TBX15: variants seen among roughly 807,000 people sequenced by gnomAD.
TBX15 encodes T-box transcription factor TBX15.
Under a neutral mutation model 53.9 loss-of-function variants are expected in TBX15, and 18 were observed. The observed-to-expected ratio is 0.33, with a 90% CI of 0.23 to 0.49. The LOEUF (loss-of-function observed/expected upper bound fraction) is 0.49. TBX15 is among the 20% of genes least tolerant of loss of function. The pLI, the probability that TBX15 is intolerant of heterozygous loss-of-function variation, is 0.98. For synonymous variants in TBX15, 295 were observed against 278.0 expected (o/e 1.06, Z -0.61); for missense variants, 692 against 749.5 (o/e 0.92, Z 0.90).
intron 1 of TBX15, among the ~76,000 whole-genome samples, chr1:118,945,522 C>A (rs1003692314): frequency 2.0e-5 from 3 of 152,084 alleles, no homozygotes; most frequent in African/African-American, 7.2e-5. Context: ...TCAATTGACC[C>A]CAAACTCTCT....
intron 1 of TBX15, among the ~76,000 whole-genome samples, chr1:118,956,293 G>A (rs376481828): frequency 1.3e-5 from 2 of 152,016 alleles, no homozygotes; most frequent in East Asian, 3.9e-4. Context: ...TACTAGTACT[G>A]GATATTAGGA....
At chr1:118,946,469 T>A (rs138752418) in intron 1 of TBX15, among the ~76,000 whole-genome samples, 17 of 152,300 alleles carry the variant, frequency 1.1e-4, no homozygotes, top group African/African-American at 4.1e-4. Context: ...AGGACTACAC[T>A]GGTTTGATAG....
chr1:118,885,600 G>T, intron 7 of TBX15, 84 bp from the exon 8 acceptor site: 1 of 1,504,534 alleles, frequency 6.6e-7, no homozygotes. Context: ...TACAGGAGGT[G>T]CCTTCAAATG....
chr1:118,960,067 G>GAA (rs80283449), intron 1 of TBX15, among the ~76,000 whole-genome samples: 3 of 107,054 alleles, frequency 2.8e-5, no homozygotes, highest in Non-Finnish European at 4.1e-5. Context: ...AAGAGAAAGA[G>GAA]AAAAAAAAAA....
intron 6 of TBX15, among the ~76,000 whole-genome samples, chr1:118,907,524 T>C (rs550726211): frequency 6.6e-6 from 1 of 152,366 alleles, no homozygotes; most frequent in East Asian, 1.9e-4. Flanking sequence ...TCACATCAGA[T>C]GTGGGATGAA....
At chr1:118,930,930 A>G (rs755871987) in intron 2 of TBX15, among the ~76,000 whole-genome samples, 1 of 152,204 alleles carries the variant, frequency 6.6e-6, no homozygotes, top group Non-Finnish European at 1.5e-5. Flanking sequence ...ATTATGTCCA[A>G]CCTCATAGGG....
At chr1:118,972,275 T>A (rs1657256087) in intron 1 of TBX15, among the ~76,000 whole-genome samples, 1 of 152,254 alleles carries the variant, frequency 6.6e-6, no homozygotes. Flanking sequence ...ACATGTAATG[T>A]TCTGAAGCCA....
chr1:118,910,681 T>C (rs1779418), intron 6 of TBX15, among the ~76,000 whole-genome samples: 96,110 of 152,066 alleles, frequency 0.63, 31,008 homozygotes, highest in Middle Eastern at 0.69. Flanking sequence ...AATACAAGGG[T>C]CCCCTTACTT....
At chr1:118,950,999 A>G (rs562999466) in intron 1 of TBX15, among the ~76,000 whole-genome samples, 1 of 152,370 alleles carries the variant, frequency 6.6e-6, no homozygotes, top group African/African-American at 2.4e-5. Flanking sequence ...GCAATGCAGA[A>G]GAACAATTTT....
chr1:118,953,069 A>T (rs1656568681), intron 1 of TBX15, among the ~76,000 whole-genome samples: 1 of 140,336 alleles, frequency 7.1e-6, no homozygotes, highest in Middle Eastern at 3.4e-3. Context: ...GTTGCCAAGG[A>T]ATAGTTTCTG....
intron 7 of TBX15, among the ~76,000 whole-genome samples, chr1:118,893,384 A>G (rs1431341293): frequency 9.4e-5 from 13 of 138,568 alleles, no homozygotes; most frequent in African/African-American, 2.1e-4. Flanking sequence ...AAAGAAAGAA[A>G]GAAAGAAAGA....
intron 1 of TBX15, among the ~76,000 whole-genome samples, chr1:118,948,448 C>A (rs1372745321): frequency 6.6e-6 from 1 of 152,170 alleles, no homozygotes; most frequent in Non-Finnish European, 1.5e-5. Flanking sequence ...CTGAGACCAC[C>A]AGCAGAGCTG....
At chr1:118,984,392 A>G (rs2101058713) in intron 1 of TBX15, among the ~76,000 whole-genome samples, 1 of 152,380 alleles carries the variant, frequency 6.6e-6, no homozygotes, top group African/African-American at 2.4e-5. Flanking sequence ...CTTCGGCAGC[A>G]CTTAGCAGAA....
At chr1:118,945,812 T>G (rs1373599912) in intron 1 of TBX15, among the ~76,000 whole-genome samples, 3 of 152,218 alleles carry the variant, frequency 2.0e-5, no homozygotes, top group Admixed American at 2.0e-4. Flanking sequence ...GGTCAGATAT[T>G]CAGAGTCAAT....
chr1:118,885,208 A>G lies in TBX15; in HGVS notation c.1333T>C (p.Ser445Pro). Residue 445 changes from serine to proline, a missense_variant, in exon 8 of 8, where the codon TCC (serine) becomes CCC (proline). Coordinates refer to ENST00000369429, the MANE Select transcript of TBX15 (RefSeq NM_001330677.2). Reference sequence around the variant, plus strand: ...GGAGTTGGTATTCCTGAGATCAGGGATGGAGTCCTCTGAGGCATGAAGGTT... The same window carrying G: ...GGAGTTGGTATTCCTGAGATCAGGGGTGGAGTCCTCTGAGGCATGAAGGTT... ...SETFMPQRTP[S>P]LISGIPTPPS... 1 of 1,614,110 alleles carries G rather than the reference A, an allele frequency of 6.2e-7. No homozygotes were observed. The highest frequency in any genetic ancestry group is 1.1e-5 in the South Asian group (1 of 91,080).
intron 1 of TBX15, among the ~76,000 whole-genome samples, chr1:118,972,860 A>G (rs554146999): frequency 5.3e-5 from 8 of 152,288 alleles, no homozygotes; most frequent in African/African-American, 1.9e-4. Context: ...TCGGCCTCCC[A>G]AAGTGCTGGG....
Position 118,884,878 on chromosome 1 carries a change from T to G in TBX15, c.1663A>C (p.Arg555=), listed in dbSNP as rs558650766. The G allele has an allele frequency of 9.9e-6, 16 of 1,614,176 alleles. No individual in the cohort carries two copies. Among genetic ancestry groups the G allele is most frequent in the Non-Finnish European group, 1.4e-5 (16 of 1,180,020 alleles). Residue 555 remains arginine, a synonymous_variant, in exon 8 of 8, where the codon AGG becomes CGG. Transcript: ENST00000369429. ...TCCATCCCTGACGGCAGGTACTGCC[T>G]CTCTCCAAAGGCCCCGTTGGAAGGA... ...SSPSNGAFGE[R]QYLPSGMEHS...
At chr1:118,969,208 C>T (rs1003663686) in intron 1 of TBX15, among the ~76,000 whole-genome samples, 2 of 152,158 alleles carry the variant, frequency 1.3e-5, no homozygotes, top group African/African-American at 4.8e-5. Context: ...TCAGGTTCAT[C>T]CCATCTTCTC....
intron 5 of TBX15, among the ~76,000 whole-genome samples, chr1:118,917,326 C>T (rs1571172163): frequency 6.6e-6 from 1 of 152,122 alleles, no homozygotes; most frequent in Non-Finnish European, 1.5e-5. Flanking sequence ...GAACAGAAAA[C>T]CAAACACCAC....
Sources: allele counts gnomAD v4.1 joint callset (sites outside exome capture counted in the v4.1 genomes callset), GRCh38; gene constraint gnomAD v4.1.1; transcripts MANE v1.5; gene names NCBI Gene and HGNC (gene_info 2026-07-23, HGNC 2026-07-21).